Variants in MCF2 observed in about 807,000 individuals in gnomAD.
MCF2 encodes proto-oncogene DBL.
In MCF2, 44 loss-of-function variants were observed where a neutral mutation model predicts 82.5. The ratio of observed to expected loss-of-function variants is 0.53; its 90% CI spans 0.42 to 0.69. The LOEUF is 0.69. MCF2 is among the 30% of genes least tolerant of loss of function. The pLI, the probability that MCF2 is intolerant of heterozygous loss-of-function variation, is 0.00. For missense variants in MCF2, 623 were observed against 663.1 expected (o/e 0.94, Z 0.66); for synonymous variants, 217 against 224.9 (o/e 0.96, Z 0.32).
intron 1 of MCF2, among the ~76,000 whole-genome samples, chrX:139,691,489 G>C (rs1261735012): frequency 8.9e-6 from 1 of 111,799 alleles, no homozygotes; most frequent in Non-Finnish European, 1.9e-5. Flanking sequence ...ACTTCTCCGG[G>C]GACGCACCAA....
chrX:139,609,744 T>C (rs1031264728), intron 11 of MCF2, among the ~76,000 whole-genome samples: 7 of 110,972 alleles, frequency 6.3e-5, no homozygotes, highest in African/African-American at 1.3e-4. Flanking sequence ...AAGGGTGGCA[T>C]GAGCCCAGGA....
upstream of MCF2, chrX:139,646,950 A>T (rs1437651821): frequency 1.4e-6 from 1 of 735,181 alleles, no homozygotes; most frequent in African/African-American, 2.2e-5. Context: ...TGTATATAAC[A>T]ACGAAGCAAG....
At position 139,631,412 on chromosome X, in the gene MCF2, A is replaced by G. The variant is rs767236771; in HGVS notation, c.271T>C (p.Trp91Arg). ...CAACATACATTTCTGAAGATGATCC[A>G]TTCACTGTGGCAGTACTGCAAGGTG... Residue 91 changes from tryptophan (W) to arginine (R), a missense_variant, in exon 3 of 25, where the codon TGG becomes CGG. Transcript: ENST00000370576. 3 of 1,191,703 alleles carry G rather than the reference A, an allele frequency of 2.5e-6. No individual in the cohort carries two copies. In the Admixed American group the frequency reaches 6.5e-5, roughly 26 times the overall value.
chrX:139,592,286 C>T (rs1383674859), intron 19 of MCF2, among the ~76,000 whole-genome samples: 2 of 111,375 alleles, frequency 1.8e-5, no homozygotes, highest in Middle Eastern at 4.7e-3. Flanking sequence ...ATCTGTCTAC[C>T]TTCTATTGAA....
intron 1 of MCF2, among the ~76,000 whole-genome samples, chrX:139,665,547 G>A (rs1934484231): frequency 9.0e-6 from 1 of 111,264 alleles, no homozygotes; most frequent in Non-Finnish European, 1.9e-5. Context: ...CTACTGCAGG[G>A]TAGTGGGGGA....
intron 1 of MCF2, among the ~76,000 whole-genome samples, chrX:139,652,700 T>C (rs1205355412): frequency 2.7e-5 from 3 of 111,279 alleles, no homozygotes; most frequent in Non-Finnish European, 5.7e-5. Flanking sequence ...TTGTCGGTTT[T>C]AATGCCTGTG....
chrX:139,645,499 A>G (rs1933771083), upstream of MCF2: 3 of 616,798 alleles, frequency 4.9e-6, no homozygotes, highest in African/African-American at 4.6e-5. Flanking sequence ...AGTAATCTAT[A>G]CCTCCCAAAA....
chrX:139,609,977 T>C (rs188380347), intron 11 of MCF2, among the ~76,000 whole-genome samples: 21 of 112,976 alleles, frequency 1.9e-4, no homozygotes. Flanking sequence ...AAGTTTATTC[T>C]GCACAAAGGT....
At chrX:139,597,555 C>T in exon 18 of MCF2, 2 of 1,163,139 alleles carry the variant, frequency 1.7e-6, no homozygotes, top group Non-Finnish European at 2.3e-6. Context: ...AGAGCAGATC[C>T]TTCACAGTCT....
At chrX:139,619,205 C>T (rs945999358) in intron 7 of MCF2, among the ~76,000 whole-genome samples, 4 of 110,825 alleles carry the variant, frequency 3.6e-5, no homozygotes, top group Admixed American at 9.7e-5. Flanking sequence ...TGAAACAGTT[C>T]ACGCCATTGT....
intron 6 of MCF2, among the ~76,000 whole-genome samples, chrX:139,621,654 G>T (rs1019434729): frequency 9.0e-6 from 1 of 111,633 alleles, no homozygotes; most frequent in Non-Finnish European, 1.9e-5. Flanking sequence ...AATAAATGGT[G>T]CTGGGAAAAC....
intron 24 of MCF2, among the ~76,000 whole-genome samples, chrX:139,584,842 A>G: frequency 8.9e-6 from 1 of 111,791 alleles, no homozygotes; most frequent in Middle Eastern, 4.6e-3. Context: ...TTGACTATCT[A>G]TTTCATCAAC....
At chrX:139,609,083 T>A (rs946210655) in intron 11 of MCF2, among the ~76,000 whole-genome samples, 1 of 112,562 alleles carries the variant, frequency 8.9e-6, no homozygotes, top group Non-Finnish European at 1.9e-5. Flanking sequence ...ATTTTATATA[T>A]GGAAACTGAG....
At chrX:139,591,689 A>T (rs1929530065) in intron 19 of MCF2, among the ~76,000 whole-genome samples, 1 of 110,251 alleles carries the variant, frequency 9.1e-6, no homozygotes. Flanking sequence ...GAGTTCATTT[A>T]AAGTGAGAGA....
At chrX:139,682,925 T>C (rs1014170057) in intron 1 of MCF2, among the ~76,000 whole-genome samples, 2 of 111,855 alleles carry the variant, frequency 1.8e-5, no homozygotes, top group African/African-American at 6.5e-5. Context: ...ATGAATATGT[T>C]GCAAACTTTC....
Position 139,601,959 on chromosome X carries a change from C to G in MCF2, c.1836+447G>C, listed in dbSNP as rs370770397. Among the ~76,000 whole-genome samples, 5 of 110,721 alleles carry G rather than the reference C, an allele frequency of 4.5e-5. No individual in the cohort carries two copies. The South Asian group carries it at 1.1e-3, about 25-fold the overall frequency. ...CAAACAGAAGGGTAGGAAAAGCAAC[C>G]CTATTATACCACATGATTCATCTGA... is the stretch of plus-strand genomic sequence containing the variant. On this transcript the variant is annotated intron_variant, in intron 16 of 24. Coordinates refer to ENST00000370576, the Ensembl canonical transcript of MCF2.
intron 19 of MCF2, among the ~76,000 whole-genome samples, chrX:139,592,164 T>A (rs1172302884): frequency 9.0e-6 from 1 of 111,300 alleles, no homozygotes; most frequent in Non-Finnish European, 1.9e-5. Flanking sequence ...TGGCTAATAT[T>A]GTTTATTAAG....
chrX:139,651,917 T>C, intron 1 of MCF2, 129 bp from the exon 2 acceptor site: 1 of 394,534 alleles, frequency 2.5e-6, no homozygotes, highest in Non-Finnish European at 4.5e-6. Flanking sequence ...CCACAGACAC[T>C]GTCGATCTCT....
At position 139,615,068 on chromosome X, in the gene MCF2, G is replaced by T. The variant is rs1323234450; in HGVS notation, c.1192-16C>A. 6.1e-6 allele frequency: 7 copies of T among 1,156,255 alleles called. No homozygotes were observed. Among genetic ancestry groups the T allele is most frequent in the Admixed American group, 2.3e-5 (1 of 44,385 alleles). Reference sequence around the variant, plus strand: ...TCATTTGAACCTGCGAGTTGTATAAGAATTATAGGAAATATTTTATGAAAT... The same window carrying T: ...TCATTTGAACCTGCGAGTTGTATAATAATTATAGGAAATATTTTATGAAAT... On this transcript the variant is annotated splice_polypyrimidine_tract_variant and intron_variant, in intron 9 of 24. Coordinates refer to ENST00000370576, the Ensembl canonical transcript of MCF2.
Sources: allele counts gnomAD v4.1 joint callset (sites outside exome capture counted in the v4.1 genomes callset), GRCh38; gene constraint gnomAD v4.1.1; transcripts MANE v1.5; gene names NCBI Gene and HGNC (gene_info 2026-07-23, HGNC 2026-07-21).